PARD3B: variants seen among roughly 807,000 people sequenced by gnomAD.
PARD3B encodes the protein par-3 family cell polarity regulator beta, also known as partitioning defective 3 homolog B.
In PARD3B, 103 loss-of-function variants were observed where a neutral mutation model predicts 130.2. That is an observed-to-expected ratio of 0.79 (90% CI 0.67 to 0.93). PARD3B has a LOEUF of 0.93. Among genes scored for constraint, PARD3B ranks in the 40% least tolerant of loss-of-function variants. The pLI is 0.00. For missense variants in PARD3B, 1,609 were observed against 1,499.2 expected (o/e 1.07, Z -1.21); for synonymous variants, 583 against 553.2 (o/e 1.05, Z -0.76).
At chr2:204,809,119 T>C (rs557772271) in intron 2 of PARD3B, among the ~76,000 whole-genome samples, 2 of 152,134 alleles carry the variant, frequency 1.3e-5, no homozygotes, top group Non-Finnish European at 2.9e-5. Flanking sequence ...TTTAATGGGT[T>C]TGTCTGTTTT....
At chr2:205,307,527 C>G (rs1371201236) in intron 18 of PARD3B, among the ~76,000 whole-genome samples, 1 of 152,106 alleles carries the variant, frequency 6.6e-6, no homozygotes, top group East Asian at 1.9e-4. Context: ...ATGGCACTAA[C>G]CTGCAGAAAG....
At chr2:204,860,502 T>C (rs1273722376) in intron 2 of PARD3B, among the ~76,000 whole-genome samples, 10 of 152,188 alleles carry the variant, frequency 6.6e-5, no homozygotes, top group Non-Finnish European at 1.5e-4. Context: ...TGGCTACCAA[T>C]GCTAAGAGTT....
intron 18 of PARD3B, among the ~76,000 whole-genome samples, chr2:205,356,564 C>T (rs116959191): frequency 6.6e-6 from 1 of 152,132 alleles, no homozygotes; most frequent in East Asian, 1.9e-4. Flanking sequence ...TAGTATCCTT[C>T]ATTGAGAAGC....
rs1293158616 is a variant in PARD3B, at chr2:205,524,899, G to A, written c.3180+24868G>A. Among the ~76,000 whole-genome samples, 5 of 152,266 alleles carry A rather than the reference G, an allele frequency of 3.3e-5. No individual in the cohort carries two copies. In the East Asian group the frequency reaches 7.7e-4, roughly 24 times the overall value. ...TCCTCAATGACTCACACTGGTGCAAGTTTCACCTGTTTTATATGCGGTTGG... is the reference window on the plus strand; with the variant it reads ...TCCTCAATGACTCACACTGGTGCAAATTTCACCTGTTTTATATGCGGTTGG... On this transcript the variant is annotated intron_variant, in intron 21 of 22. Transcript: ENST00000406610.
intron 1 of PARD3B, among the ~76,000 whole-genome samples, chr2:204,556,310 T>C (rs1017254074): frequency 5.3e-5 from 8 of 152,184 alleles, no homozygotes; most frequent in Non-Finnish European, 7.3e-5. Context: ...CAAGATGGCA[T>C]CTTCACTCAC....
intron 1 of PARD3B, among the ~76,000 whole-genome samples, chr2:204,650,781 C>T (rs1431243219): frequency 6.6e-6 from 1 of 152,096 alleles, no homozygotes; most frequent in Non-Finnish European, 1.5e-5. Flanking sequence ...GTTTAGTTGA[C>T]TCACTGTTCT....
chr2:204,627,298 A>C (rs1287187830), intron 1 of PARD3B, among the ~76,000 whole-genome samples: 2 of 152,114 alleles, frequency 1.3e-5, no homozygotes, highest in African/African-American at 4.8e-5. Context: ...AATCCATCTT[A>C]TATTTTGATT....
At chr2:204,788,349 G>A (rs1342690066) in intron 2 of PARD3B, among the ~76,000 whole-genome samples, 1 of 152,170 alleles carries the variant, frequency 6.6e-6, no homozygotes, top group East Asian at 1.9e-4. Flanking sequence ...GGATTGTCTA[G>A]TTCCTTTGCA....
chr2:205,360,545 A>G (rs781434161), intron 18 of PARD3B, among the ~76,000 whole-genome samples: 25 of 152,226 alleles, frequency 1.6e-4, no homozygotes, highest in Non-Finnish European at 2.6e-4. Context: ...GTGTAATAGA[A>G]GGGTATAGAA....
intron 2 of PARD3B, among the ~76,000 whole-genome samples, chr2:204,782,712 T>C (rs912193326): frequency 1.6e-4 from 25 of 151,998 alleles, no homozygotes; most frequent in Non-Finnish European, 2.9e-5. Context: ...CTATTTCTTA[T>C]ATTTTTGTAA....
At chr2:205,041,001 CCT>C (rs971479627) in intron 3 of PARD3B, among the ~76,000 whole-genome samples, 16 of 152,172 alleles carry the variant, frequency 1.1e-4, no homozygotes, top group Admixed American at 7.2e-4. Context: ...TCTGAGCACT[CCT>C]CTGTGACTTT....
At chr2:205,277,958 G>A (rs1275708301) in intron 16 of PARD3B, among the ~76,000 whole-genome samples, 1 of 152,146 alleles carries the variant, frequency 6.6e-6, no homozygotes, top group Non-Finnish European at 1.5e-5. Flanking sequence ...TTTGGGGGAA[G>A]GAGAAAGAAA....
Position 204,576,810 on chromosome 2 carries a change from C to A in PARD3B, c.120+30691C>A, listed in dbSNP as rs180683248. On this transcript the variant is annotated intron_variant, in intron 1 of 22. Coordinates refer to ENST00000406610, the MANE Select transcript of PARD3B (RefSeq NM_001302769.2). ...CCCCTTATGGTGTCTTTCAGGCACACTCATGAGAGGGTTGTAATCATTTGT... is the reference window on the plus strand; with the variant it reads ...CCCCTTATGGTGTCTTTCAGGCACAATCATGAGAGGGTTGTAATCATTTGT... Among the ~76,000 whole-genome samples, 480 of 152,222 alleles carry A rather than the reference C, an allele frequency of 3.2e-3. 5 individuals carry two copies. Among genetic ancestry groups the A allele is most frequent in the African/African-American group, 0.011 (452 of 41,544 alleles).
At chr2:205,170,013 C>A (rs968989245) in intron 11 of PARD3B, among the ~76,000 whole-genome samples, 2 of 151,590 alleles carry the variant, frequency 1.3e-5, no homozygotes, top group East Asian at 3.9e-4. Context: ...TCACTGCAAC[C>A]TCCGCCTCCT....
intron 22 of PARD3B, among the ~76,000 whole-genome samples, chr2:205,598,721 A>G (rs1029450695): frequency 3.3e-5 from 5 of 152,196 alleles, no homozygotes; most frequent in African/African-American, 4.8e-5. Flanking sequence ...TTGGCCATAA[A>G]GCAAATCTGA....
At chr2:205,383,247 C>T (rs1187647489) in intron 18 of PARD3B, among the ~76,000 whole-genome samples, 1 of 152,018 alleles carries the variant, frequency 6.6e-6, no homozygotes, top group Admixed American at 6.6e-5. Flanking sequence ...TAATCCAATA[C>T]CACAGTAATC....
intron 2 of PARD3B, among the ~76,000 whole-genome samples, chr2:204,930,713 C>A (rs769744184): frequency 6.6e-6 from 1 of 152,112 alleles, no homozygotes; most frequent in Non-Finnish European, 1.5e-5. Flanking sequence ...GCCCTCAAAC[C>A]ATTTACTATA....
At chr2:205,453,099 C>T (rs733002) in intron 20 of PARD3B, among the ~76,000 whole-genome samples, 16,208 of 152,108 alleles carry the variant, frequency 0.11, 1,285 homozygotes, top group African/African-American at 0.23. Flanking sequence ...TGGCACAGAA[C>T]CCAGAGTTTC....
intron 2 of PARD3B, among the ~76,000 whole-genome samples, chr2:204,774,527 T>G (rs1359960733): frequency 6.6e-6 from 1 of 152,106 alleles, no homozygotes; most frequent in Non-Finnish European, 1.5e-5. Flanking sequence ...TGATTGCTCA[T>G]GTATTGTATG....
Sources: gnomAD v4.1 joint callset for allele counts (sites outside exome capture counted in the v4.1 genomes callset) on GRCh38, gnomAD v4.1.1 for gene constraint, MANE v1.5 for transcripts, NCBI Gene and HGNC (gene_info 2026-07-23, HGNC 2026-07-21) for gene names.